Variants in DNAH2 observed in about 807,000 individuals in gnomAD.
The protein encoded by DNAH2 is axonemal beta dynein heavy chain 2.
A neutral mutation model predicts 523.5 loss-of-function variants in DNAH2; 323 were observed. That is an observed-to-expected ratio of 0.62 (90% CI 0.56 to 0.68). The LOEUF (loss-of-function observed/expected upper bound fraction) is 0.68, where lower values mean the gene tolerates loss of function less well. Among genes scored for constraint, DNAH2 ranks in the 30% least tolerant of loss-of-function variants. The probability of loss-of-function intolerance (pLI) is 0.00; values close to 1 mark genes in which losing one functional copy is unlikely to be tolerated. For missense variants in DNAH2, 4,907 were observed against 5,701.5 expected, an observed-to-expected ratio of 0.86 and a Z score of 4.49; for synonymous variants, 2,093 against 2,177.4, an observed-to-expected ratio of 0.96 and a Z score of 1.08.
rs1445387840 is a variant in DNAH2 at position 7,786,053 on chromosome 17, G to A, written c.6130-71G>A. 9 of 1,508,498 alleles carry A rather than the reference G, an allele frequency of 6.0e-6. No homozygotes were observed. Among genetic ancestry groups the A allele is most frequent in the East Asian group, 2.3e-5 (1 of 44,238 alleles). 93.4% of individuals were successfully genotyped at this position (1,508,498 alleles called of 1,614,324 possible). A position where few individuals can be genotyped will look rare whatever the true frequency, so the allele number is the denominator to read the frequency against. ...GTTTGAACGTATTCTCTCTGGCACC[G>A]GGGAGATTTTGAAAGCCCTTTAAAG... On this transcript the variant is annotated intron_variant, in intron 39 of 85. Transcript: ENST00000572933. The surrounding 1 kb of genome is among the most constrained non-coding windows in gnomAD (Gnocchi z 7.5).
At position 7,824,180 on chromosome 17, in the gene DNAH2, C is replaced by T. The variant is rs753579358; in HGVS notation, c.11538C>T (p.Asp3846=). 3.1e-6 allele frequency: 5 copies of T among 1,603,362 alleles called. No homozygotes were observed. Among genetic ancestry groups the T allele is most frequent in the African/African-American group, 2.7e-5 (2 of 74,744 alleles). The change falls in exon 76 of 86, where the codon GAC becomes GAT. Residue 3846 remains aspartate, a synonymous_variant. Transcript: ENST00000572933. ...PLVFILSPGV[D]PTSALLQLAE... is the part of the protein sequence containing the mutation. ...TGTTCATCCTGTCCCCTGGTGTGGA[C>T]CCCACCAGTGCCCTGCTGCAGCTGG...
At position 7,786,930 on chromosome 17, in the gene DNAH2, A is replaced by G. The variant is rs781096154; in HGVS notation, c.6500A>G (p.Asp2167Gly). The G allele has an allele frequency of 4.3e-6, 7 of 1,614,098 alleles. No individual in the cohort carries two copies. Among genetic ancestry groups the G allele is most frequent in the Non-Finnish European group, 5.9e-6 (7 of 1,179,968 alleles). ...EKPDEKWILFDGPVDTLWIEN... is the reference protein window; with the variant it reads ...EKPDEKWILFGGPVDTLWIEN... ...CCCGACGAGAAGTGGATCCTGTTCGATGGCCCCGTGGACACACTGTGGATC... is the reference window on the plus strand; with the variant it reads ...CCCGACGAGAAGTGGATCCTGTTCGGTGGCCCCGTGGACACACTGTGGATC... Residue 2167 changes from aspartate to glycine, a missense_variant, in exon 42 of 86, where the codon GAT becomes GGT. Coordinates refer to ENST00000572933, the MANE Select transcript of DNAH2 (RefSeq NM_020877.5). This position sits in a 1 kb window ranked among gnomAD's most constrained non-coding sequence, Gnocchi z 7.5.
At chr17:7,765,181 G>A (rs2076128147) in intron 20 of DNAH2, among the ~76,000 whole-genome samples, 1 of 152,042 alleles carries the variant, frequency 6.6e-6, no homozygotes, top group Non-Finnish European at 1.5e-5. Flanking sequence ...ACTTTCATGA[G>A]AGGGCAGACC....
Position 7,833,600 on chromosome 17 carries a change from C to T in DNAH2, c.*67C>T. On this transcript the variant is annotated 3_prime_UTR_variant, in exon 86 of 86. Transcript: ENST00000572933. ...TCCAGGAGCTAAGACAGATGTTGCA[C>T]CTAGGACTGAGGCCGGACCTCACTC... The T allele has an allele frequency of 6.3e-7, 1 of 1,599,752 alleles. No individual in the cohort carries two copies. Among genetic ancestry groups the T allele is most frequent in the South Asian group, 1.1e-5 (1 of 90,526 alleles).
intron 46 of DNAH2, 122 bp downstream of exon 46, chr17:7,792,465 G>A: frequency 8.8e-7 from 1 of 1,137,536 alleles, no homozygotes; most frequent in South Asian, 1.3e-5. Flanking sequence ...TCCCAGAGAA[G>A]GGCTGCCTCT....
chr17:7,774,171 C>T (rs986129998), intron 28 of DNAH2, among the ~76,000 whole-genome samples: 8 of 152,218 alleles, frequency 5.3e-5, no homozygotes, highest in African/African-American at 1.4e-4. Context: ...TACTCTTGCA[C>T]TTTTGCTTAC....
Position 7,798,675 on chromosome 17 carries a change from C to T in DNAH2, c.8516C>T (p.Ser2839Leu). 1.2e-6 allele frequency: 2 copies of T among 1,614,076 alleles called. No homozygotes were observed. The highest frequency in any genetic ancestry group is 1.7e-6 in the Non-Finnish European group (2 of 1,180,024). ...FLEDINNILS[S>L]GEVPNLYKPD... Reference sequence around the variant, plus strand: ...GAGGACATCAACAACATCCTCAGCTCAGGCGAGGTGCCCAATCTCTACAAG... The same window carrying T: ...GAGGACATCAACAACATCCTCAGCTTAGGCGAGGTGCCCAATCTCTACAAG... Residue 2839 changes from serine (S) to leucine (L), a missense_variant, in exon 55 of 86, where the codon TCA becomes TTA. Physicochemically the swap from Ser to Leu is moderately radical, Grantham distance 145. Around this residue, in one of 3 missense-constraint regions of DNAH2, gnomAD observed 1,851 missense variants for 2,139.4 expected, o/e 0.87. Coordinates refer to ENST00000572933, the MANE Select transcript of DNAH2 (RefSeq NM_020877.5). The surrounding 1 kb of genome is among the most constrained non-coding windows in gnomAD (Gnocchi z 5.5).
chr17:7,779,303 G>A lies in DNAH2; in HGVS notation c.5602G>A (p.Val1868Met). ...CATCAACATCGAGGTGCTGTCAGTG[G>A]TGGCCCACCAGATCCTGTGCATCCT... ...NRINIEVLSV[V>M]AHQILCILSA... The change falls in exon 36 of 86, where the codon GTG becomes ATG. Residue 1868 changes from valine (V) to methionine (M), a missense_variant. Coordinates refer to ENST00000572933, the MANE Select transcript of DNAH2 (RefSeq NM_020877.5). 6.2e-7 allele frequency: 1 copy of A among 1,614,112 alleles called. No individual in the cohort carries two copies.
intron 77 of DNAH2, 42 bp from the exon 78 acceptor site, chr17:7,830,258 T>A (rs763174388): frequency 6.4e-7 from 1 of 1,569,546 alleles, no homozygotes. Flanking sequence ...CAGGTCTGAG[T>A]GTGATGCATG....
At chr17:7,739,290 T>C (rs1309356105) in intron 8 of DNAH2, among the ~76,000 whole-genome samples, 1 of 152,054 alleles carries the variant, frequency 6.6e-6, no homozygotes, top group East Asian at 1.9e-4. Flanking sequence ...CCTGTAATCC[T>C]AGCTGCTTGG....
intron 12 of DNAH2, among the ~76,000 whole-genome samples, chr17:7,753,160 G>A (rs1439081452): frequency 6.6e-6 from 1 of 152,360 alleles, no homozygotes; most frequent in African/African-American, 2.4e-5. Context: ...ATGTCGGAAA[G>A]TAAGGCCGAG....
At chr17:7,802,108 G>A (rs2077239585) in intron 58 of DNAH2, 91 bp downstream of exon 58, 9 of 1,528,106 alleles carry the variant, frequency 5.9e-6, no homozygotes, top group Non-Finnish European at 8.0e-6. Context: ...CAAGGGCAGA[G>A]ACACAAAGGC....
chr17:7,727,524 C>A (rs761362934), intron 4 of DNAH2, among the ~76,000 whole-genome samples: 28 of 152,036 alleles, frequency 1.8e-4, no homozygotes, highest in Non-Finnish European at 4.0e-4. Flanking sequence ...GAGGCCGAGG[C>A]GGGTGGGCGG....
chr17:7,723,779 T>G (rs2074707681), intron 3 of DNAH2, 90 bp downstream of exon 3: 5 of 1,134,816 alleles, frequency 4.4e-6, no homozygotes, highest in Non-Finnish European at 6.6e-6. Flanking sequence ...AGGAATTCTC[T>G]CTTGTCTGCC....
Position 7,777,478 on chromosome 17 carries a change from CA to C in DNAH2, c.5092del (p.Arg1698GlyfsTer4), listed in dbSNP as rs748190686. The C allele has an allele frequency of 7.4e-6, 12 of 1,614,124 alleles. No individual in the cohort carries two copies. In the Admixed American group the frequency reaches 1.7e-4, roughly 22 times the overall value. ...TCCTGAATAAGTATTCAGAAGCCAT[CA>C]GGGGGAACTTGACCAAGATCATGCG... ...SILNKYSEAI[R>X]GNLTKIMRLK... On this transcript the variant is annotated frameshift_variant, in exon 33 of 86. Coordinates refer to ENST00000572933, the MANE Select transcript of DNAH2 (RefSeq NM_020877.5). LOFTEE classifies it high-confidence loss of function.
chr17:7,763,733 GT>G, intron 18 of DNAH2, 97 bp from the exon 19 acceptor site: 2 of 1,451,484 alleles, frequency 1.4e-6, no homozygotes, highest in Non-Finnish European at 1.9e-6. Flanking sequence ...TGCTGCCCAG[GT>G]TTGGGTGGAA....
Position 7,830,330 on chromosome 17 carries a change from C to T in DNAH2, c.11884C>T (p.Gln3962Ter). 1 of 1,614,186 alleles carries T rather than the reference C, an allele frequency of 6.2e-7. No individual in the cohort carries two copies. Among genetic ancestry groups the T allele is most frequent in the South Asian group, 1.1e-5 (1 of 91,080 alleles). The change falls in exon 78 of 86, where the codon CAA becomes TAA. Residue 3962 changes from glutamine to a stop codon, truncating the protein, a stop_gained. Transcript: ENST00000572933. LOFTEE classifies it high-confidence loss of function. Reference sequence around the variant, plus strand: ...AAAGGCCAACATGACACGTCTTTACCAACTGATGTCAGAACCACAGTTTTC... The same window carrying T: ...AAAGGCCAACATGACACGTCTTTACTAACTGATGTCAGAACCACAGTTTTC... ...GLKANMTRLY[Q>*]LMSEPQFSRC...
chr17:7,725,175 C>T (rs919507570), intron 3 of DNAH2, among the ~76,000 whole-genome samples: 8 of 151,772 alleles, frequency 5.3e-5, no homozygotes, highest in Admixed American at 1.3e-4. Context: ...CTGCAATCTC[C>T]GCCTCCCAGG....
intron 63 of DNAH2, among the ~76,000 whole-genome samples, chr17:7,816,330 G>A (rs1372660401): frequency 2.7e-4 from 41 of 152,182 alleles, no homozygotes; most frequent in Admixed American, 2.6e-3. Flanking sequence ...TGGGCTCTAG[G>A]AAAGGGTGGT....
Sources: allele counts gnomAD v4.1 joint callset (sites outside exome capture counted in the v4.1 genomes callset), GRCh38; gene constraint gnomAD v4.1.1; regional missense constraint gnomAD v4.1.1; non-coding constraint Gnocchi (gnomAD v3.1); transcripts MANE v1.5; gene names NCBI Gene and HGNC (gene_info 2026-07-23, HGNC 2026-07-21).